PPP3CC: variants seen among roughly 807,000 people sequenced by gnomAD.
The protein encoded by PPP3CC is protein phosphatase 3 catalytic subunit gamma.
PPP3CC carries 35 observed loss-of-function variants against 60.3 expected under a neutral mutation model. The observed-to-expected ratio is 0.58, with a 90% CI of 0.44 to 0.77. The LOEUF is 0.77. PPP3CC is among the 30% of genes least tolerant of loss of function. PPP3CC has a pLI of 0.00. For missense variants in PPP3CC, 570 were observed against 628.9 expected (o/e 0.91, Z 1.00); for synonymous variants, 206 against 224.3 (o/e 0.92, Z 0.73).
In PPP3CC at chr8:22,518,820, G is replaced by T. The variant is rs557431443; in HGVS notation, c.771-3671G>T. Among the ~76,000 whole-genome samples the T allele has an allele frequency of 6.0e-4, 92 of 152,274 alleles. 2 individuals are homozygous for T. In the South Asian group the frequency reaches 0.019, roughly 31 times the overall value. On this transcript the variant is annotated intron_variant, in intron 6 of 13. Transcript: ENST00000240139. ...TCCTGCCTCAGCCTCCCAAGTAGCT[G>T]GGATTACAGGCATGCACCATCACGC...
chr8:22,480,402 A>G (rs1838026058), intron 3 of PPP3CC, among the ~76,000 whole-genome samples: 1 of 152,234 alleles, frequency 6.6e-6, no homozygotes, highest in African/African-American at 2.4e-5. Context: ...TGATCATTTC[A>G]TATCTCTGTA....
chr8:22,452,940 A>T (rs944988607), intron 1 of PPP3CC, among the ~76,000 whole-genome samples: 1 of 152,218 alleles, frequency 6.6e-6, no homozygotes, highest in Non-Finnish European at 1.5e-5. Flanking sequence ...TTTAAGGGCA[A>T]CCACTGTATC....
At chr8:22,460,390 C>T (rs1411700393) in intron 1 of PPP3CC, among the ~76,000 whole-genome samples, 1 of 152,070 alleles carries the variant, frequency 6.6e-6, no homozygotes, top group South Asian at 2.1e-4. Context: ...TGGAGTCTCG[C>T]TATGTTGCCC....
rs911430369 is a variant in PPP3CC, at chr8:22,539,773, G to A, written c.1351+275G>A. On this transcript the variant is annotated intron_variant, in intron 13 of 13. Transcript: ENST00000240139. ...GAAGCTTAAGCAACTGGTCATGAGAGGTCAAGTGGTTTACTTCTGTATCCC... is the reference window on the plus strand; with the variant it reads ...GAAGCTTAAGCAACTGGTCATGAGAAGTCAAGTGGTTTACTTCTGTATCCC... Among the ~76,000 whole-genome samples the A allele has an allele frequency of 2.6e-5, 4 of 152,256 alleles. No individual in the cohort carries two copies. In the East Asian group the frequency reaches 7.7e-4, roughly 29 times the overall value.
intron 4 of PPP3CC, 94 bp from the exon 5 acceptor site, chr8:22,510,992 G>A (rs1435958424): frequency 3.1e-6 from 4 of 1,288,446 alleles, no homozygotes; most frequent in Non-Finnish European, 4.3e-6. Context: ...AAAATAAATG[G>A]CTCTAAAGTA....
intron 8 of PPP3CC, among the ~76,000 whole-genome samples, chr8:22,525,990 C>G (rs1476449224): frequency 6.6e-6 from 1 of 151,762 alleles, no homozygotes; most frequent in Non-Finnish European, 1.5e-5. Context: ...GCCTCAGCCT[C>G]CCGAGTAGCT....
chr8:22,532,928 A>G lies in PPP3CC; in HGVS notation c.1231A>G (p.Ser411Gly), dbSNP rs776153935. 6.3e-7 allele frequency: 1 copy of G among 1,588,280 alleles called. No individual in the cohort carries two copies. The highest frequency in any genetic ancestry group is 8.6e-7 in the Non-Finnish European group (1 of 1,165,828). The change falls in exon 12 of 14, where the codon AGT (serine) becomes GGT (glycine). Residue 411 changes from serine to glycine, a missense_variant. Physicochemically the swap from Ser to Gly is moderately conservative, Grantham distance 56. Coordinates refer to ENST00000240139, the MANE Select transcript of PPP3CC (RefSeq NM_005605.5). ...TTTGGTCTCCCTTTGCAGGCAAGAA[A>G]GTGAGAGTGTGCTGACTCTCAAGGG... ...ARVFSILRQE[S>G]ESVLTLKGLT... is the part of the protein sequence containing the mutation.
intron 1 of PPP3CC, among the ~76,000 whole-genome samples, chr8:22,464,546 A>C (rs1837459432): frequency 6.6e-6 from 1 of 151,808 alleles, no homozygotes; most frequent in African/African-American, 2.4e-5. Context: ...CACTCAACTA[A>C]TTTTTGTGTT....
At chr8:22,527,565 A>G in intron 9 of PPP3CC, 48 bp downstream of exon 9, 1 of 1,586,606 alleles carries the variant, frequency 6.3e-7, no homozygotes. Flanking sequence ...GTGACTGAGC[A>G]TACCTTATAT....
At chr8:22,506,693 G>A (rs1353838818) in intron 4 of PPP3CC, among the ~76,000 whole-genome samples, 1 of 152,106 alleles carries the variant, frequency 6.6e-6, no homozygotes, top group Non-Finnish European at 1.5e-5. Flanking sequence ...TGTAATCCCA[G>A]CACTTTGGGA....
At chr8:22,513,510 AT>A (rs1839153159) in intron 6 of PPP3CC, 78 bp downstream of exon 6, 1 of 1,444,062 alleles carries the variant, frequency 6.9e-7, no homozygotes, top group African/African-American at 1.4e-5. Context: ...AGCATTTTAT[AT>A]TTCAAATCTA....
At chr8:22,465,905 GT>G (rs1382462931) in intron 1 of PPP3CC, among the ~76,000 whole-genome samples, 2 of 151,954 alleles carry the variant, frequency 1.3e-5, no homozygotes, top group Non-Finnish European at 1.5e-5. Context: ...TGCTACATAG[GT>G]ATACATGTGC....
intron 3 of PPP3CC, among the ~76,000 whole-genome samples, chr8:22,495,839 G>T (rs148644173): frequency 2.6e-5 from 4 of 152,090 alleles, no homozygotes; most frequent in Admixed American, 6.6e-5. Flanking sequence ...GATTGCAGGC[G>T]TGAGCCACCA....
rs1224315534 is a variant in PPP3CC at position 22,511,108 on chromosome 8, G to A, written c.507G>A (p.Gln169=). 5 of 1,613,976 alleles carry A rather than the reference G, an allele frequency of 3.1e-6. No individual in the cohort carries two copies. Among genetic ancestry groups the A allele is most frequent in the South Asian group, 2.2e-5 (2 of 91,080 alleles). Residue 169 remains glutamine, a synonymous_variant, in exon 5 of 14, where the codon CAG becomes CAA. Transcript: ENST00000240139. The stretch of plus-strand genomic sequence containing the variant: ...TAGGTCGAATCAAATATTCGGAACA[G>A]GTGTATGATGCCTGTATGGAGACAT... The part of the protein sequence containing the change: ...KQECRIKYSE[Q]VYDACMETFD...
At chr8:22,498,725 C>T (rs765038357) in intron 4 of PPP3CC, among the ~76,000 whole-genome samples, 3 of 152,072 alleles carry the variant, frequency 2.0e-5, no homozygotes, top group Admixed American at 6.5e-5. Flanking sequence ...TTCCATCTTA[C>T]GAACACACAA....
At chr8:22,462,630 G>A (rs576929400) in intron 1 of PPP3CC, among the ~76,000 whole-genome samples, 2 of 151,492 alleles carry the variant, frequency 1.3e-5, no homozygotes, top group African/African-American at 4.9e-5. Flanking sequence ...GAGTGCGGTG[G>A]CACGATCTCG....
Position 22,527,425 on chromosome 8 carries a change from A to C in PPP3CC, c.977A>C (p.Asn326Thr), listed in dbSNP as rs1839587340. Reference sequence around the variant, plus strand: ...TTGAAATATGAAAACAATGTCATGAATATCAGGCAGTTTAACTGTTCTCCA... The same window carrying C: ...TTGAAATATGAAAACAATGTCATGACTATCAGGCAGTTTAACTGTTCTCCA... ...AVLKYENNVMNIRQFNCSPHP... is the reference protein window; with the variant it reads ...AVLKYENNVMTIRQFNCSPHP... Residue 326 changes from asparagine to threonine, a missense_variant, in exon 9 of 14, where the codon AAT becomes ACT. Asn to Thr is a moderately conservative substitution (Grantham distance 65). Transcript: ENST00000240139. 6.2e-7 allele frequency: 1 copy of C among 1,613,822 alleles called. No individual in the cohort carries two copies. Among genetic ancestry groups the C allele is most frequent in the Non-Finnish European group, 8.5e-7 (1 of 1,179,738 alleles).
intron 6 of PPP3CC, among the ~76,000 whole-genome samples, chr8:22,514,317 GTATTTTAT>G: frequency 6.7e-6 from 1 of 148,276 alleles, no homozygotes; most frequent in East Asian, 2.0e-4. Context: ...TTTAATCCCA[GTATTTTAT>G]TGTGGCAAAT....
intron 3 of PPP3CC, chr8:22,492,991 T>A: frequency 1.6e-6 from 2 of 1,280,834 alleles, no homozygotes; most frequent in Non-Finnish European, 2.3e-6. Context: ...AAACAGTCTG[T>A]GAATGGAAAA....
Sources: gnomAD v4.1 joint callset for allele counts (sites outside exome capture counted in the v4.1 genomes callset) on GRCh38, gnomAD v4.1.1 for gene constraint, MANE v1.5 for transcripts, NCBI Gene and HGNC (gene_info 2026-07-23, HGNC 2026-07-21) for gene names.